CYTH1: variants seen among roughly 807,000 people sequenced by gnomAD.
The protein encoded by CYTH1 is cytohesin 1, also known as cytohesin-1.
Under a neutral mutation model 61.8 loss-of-function variants are expected in CYTH1, and 18 were observed. The ratio of observed to expected loss-of-function variants is 0.29; its 90% confidence interval spans 0.20 to 0.43. CYTH1 has a LOEUF of 0.43. Ranked by LOEUF, CYTH1 falls within the 20% of genes least tolerant of loss-of-function variation. The probability of loss-of-function intolerance (pLI) is 1.00; values close to 1 mark genes in which losing one functional copy is unlikely to be tolerated. For missense variants in CYTH1, 336 were observed against 510.5 expected, an observed-to-expected ratio of 0.66 and a Z score of 3.29; for synonymous variants, 174 against 184.3, an observed-to-expected ratio of 0.94 and a Z score of 0.45.
rs965900700 is a variant in CYTH1, at chr17:78,674,503, C to G, written c.*1588G>C. 2 of 152,294 alleles carry G rather than the reference C, an allele frequency of 1.3e-5. No individual in the cohort carries two copies. Among genetic ancestry groups the G allele is most frequent in the Admixed American group, 1.3e-4 (2 of 15,284 alleles). The allele number at this position is 152,294 out of a possible 1,614,324, so 9.4% of individuals were successfully genotyped here. A position where few individuals can be genotyped will look rare whatever the true frequency, so the allele number is the denominator to read the frequency against. On this transcript the variant is annotated 3_prime_UTR_variant, in exon 14 of 14. Coordinates refer to ENST00000446868, the MANE Select transcript of CYTH1 (RefSeq NM_004762.6). ...TAAAGCCATTCCCTCCAGGTAGGAT[C>G]TACACAAAGTGGCGGGGAGGGAGGT...
chr17:78,735,268 A>T (rs2093315350), intron 1 of CYTH1, among the ~76,000 whole-genome samples: 1 of 152,208 alleles, frequency 6.6e-6, no homozygotes, highest in African/African-American at 2.4e-5. Flanking sequence ...CAGGATAAAA[A>T]GTGACTATTA....
At chr17:78,697,511 C>T (rs1442996659) in intron 9 of CYTH1, among the ~76,000 whole-genome samples, 1 of 151,436 alleles carries the variant, frequency 6.6e-6, no homozygotes, top group African/African-American at 2.4e-5. Context: ...AATACAAGCT[C>T]ATCACTTCTG....
chr17:78,718,720 T>G (rs550149803), intron 1 of CYTH1, among the ~76,000 whole-genome samples: 2 of 152,372 alleles, frequency 1.3e-5, no homozygotes, highest in South Asian at 4.1e-4. Context: ...TTCAACAAAC[T>G]GCTAATCTCT....
intron 1 of CYTH1, among the ~76,000 whole-genome samples, chr17:78,774,197 G>T (rs569026369): frequency 6.6e-6 from 1 of 152,250 alleles, no homozygotes; most frequent in South Asian, 2.1e-4. Flanking sequence ...CAGACATCAA[G>T]AATTCTAAAA....
chr17:78,751,179 G>T (rs528468127), intron 1 of CYTH1, among the ~76,000 whole-genome samples: 135 of 152,044 alleles, frequency 8.9e-4, no homozygotes, highest in Non-Finnish European at 1.4e-3. Context: ...GGGTTTCGTC[G>T]TGTTGCCCAG....
chr17:78,773,959 C>T lies in CYTH1; in HGVS notation c.22+8243G>A, dbSNP rs868847158. 4.6e-5 allele frequency among the ~76,000 whole-genome samples: 7 copies of T among 152,180 alleles called. No homozygotes were observed. The South Asian group carries it at 6.2e-4, about 14-fold the overall frequency. On this transcript the variant is annotated intron_variant, in intron 1 of 13. Transcript: ENST00000446868. ...TATGATGTAGCCAGTTCATAATACA[C>T]AAATATGCAAAATAAAAATTTTTTT... is the stretch of plus-strand genomic sequence containing the variant.
Position 78,692,411 on chromosome 17 carries a change from G to GCT in CYTH1, c.891+4_891+5dup. The GCT allele has an allele frequency of 6.2e-7, 1 of 1,614,050 alleles. No individual in the cohort carries two copies. The highest frequency in any genetic ancestry group is 1.1e-5 in the South Asian group (1 of 91,084). On this transcript the variant is annotated splice_donor_region_variant and intron_variant, in intron 11 of 13. Coordinates refer to ENST00000446868, the MANE Select transcript of CYTH1 (RefSeq NM_004762.6). ...CTAGTCTGGAGGCCGACTAGCAGGT[G>GCT]CTCACCGTGGTATACTCAAAGTAGT...
At chr17:78,721,510 C>G (rs2093228263) in intron 1 of CYTH1, among the ~76,000 whole-genome samples, 1 of 152,188 alleles carries the variant, frequency 6.6e-6, no homozygotes, top group African/African-American at 2.4e-5. Flanking sequence ...CCCAGTTTCC[C>G]CACTAACAGT....
chr17:78,734,417 CCA>C (rs2093310438), intron 1 of CYTH1, among the ~76,000 whole-genome samples: 2 of 72,210 alleles, frequency 2.8e-5, no homozygotes, highest in East Asian at 9.4e-4. Flanking sequence ...TACCAATGTA[CCA>C]GGTAAAAAAA....
chr17:78,727,661 C>G (rs1489608717), intron 1 of CYTH1: 1 of 471,058 alleles, frequency 2.1e-6, no homozygotes, highest in Non-Finnish European at 4.4e-6. Flanking sequence ...CACCTACCAG[C>G]AGGGCAAGGC....
chr17:78,721,265 G>A (rs77247903), intron 1 of CYTH1, among the ~76,000 whole-genome samples: 1,916 of 152,258 alleles, frequency 0.013, 40 homozygotes, highest in African/African-American at 0.044. Context: ...GGGAGACAGA[G>A]GTTGCAGTGA....
chr17:78,698,693 T>C (rs977782581), intron 8 of CYTH1, 127 bp downstream of exon 8: 1 of 1,174,492 alleles, frequency 8.5e-7, no homozygotes. Context: ...GAAATTCACA[T>C]GGTTAAACAA....
At chr17:78,711,261 CAAATAAATAAATAAAT>C (rs547065237) in intron 1 of CYTH1, among the ~76,000 whole-genome samples, 6 of 141,536 alleles carry the variant, frequency 4.2e-5, no homozygotes, top group East Asian at 2.0e-4. Context: ...GACTCCATCT[CAAATAAATAAATAAAT>C]AAATAAATAA....
intron 1 of CYTH1, among the ~76,000 whole-genome samples, chr17:78,742,527 A>G (rs2093345450): frequency 6.6e-6 from 1 of 152,098 alleles, no homozygotes; most frequent in African/African-American, 2.4e-5. Context: ...GTGCTGTTGC[A>G]CTCCAGCCTA....
intron 10 of CYTH1, 114 bp from the exon 11 acceptor site, chr17:78,692,607 G>A: frequency 1.1e-6 from 1 of 895,064 alleles, no homozygotes; most frequent in East Asian, 2.5e-5. Flanking sequence ...GGCATCAGGA[G>A]AACGTGGAGC....
intron 1 of CYTH1, among the ~76,000 whole-genome samples, chr17:78,760,407 GTGTATATATATATATA>G (rs2093418979): frequency 5.2e-5 from 2 of 38,630 alleles, no homozygotes; most frequent in East Asian, 2.0e-3. Flanking sequence ...ATATATATAT[GTGTATATATATATATA>G]TACACATACA....
intron 1 of CYTH1, among the ~76,000 whole-genome samples, chr17:78,734,717 A>G (rs9910619): frequency 0.54 from 82,031 of 151,806 alleles, 22,284 homozygotes; most frequent in East Asian, 0.61. Flanking sequence ...TGGGATTATC[A>G]GTGTGAGCCA....
intron 1 of CYTH1, among the ~76,000 whole-genome samples, chr17:78,714,712 C>T (rs1446940837): frequency 6.6e-6 from 1 of 152,200 alleles, no homozygotes; most frequent in East Asian, 1.9e-4. Flanking sequence ...TCCCTGCCCA[C>T]AAGGCCCAGC....
At chr17:78,749,788 G>T (rs187834512) in intron 1 of CYTH1, among the ~76,000 whole-genome samples, 1 of 151,690 alleles carries the variant, frequency 6.6e-6, no homozygotes, top group Non-Finnish European at 1.5e-5. Context: ...TTTTTCCCAA[G>T]ATTTTCTCCA....
Sources: allele counts gnomAD v4.1 joint callset (sites outside exome capture counted in the v4.1 genomes callset), GRCh38; gene constraint gnomAD v4.1.1; transcripts MANE v1.5; gene names NCBI Gene and HGNC (gene_info 2026-07-23, HGNC 2026-07-21).